TENM4: variants seen among roughly 807,000 people sequenced by gnomAD.
The protein encoded by TENM4 is teneurin-4.
Under a neutral mutation model 243.3 loss-of-function variants are expected in TENM4, and 82 were observed. The observed-to-expected ratio is 0.34, with a 90% confidence interval of 0.28 to 0.40. TENM4 has a LOEUF of 0.40. TENM4 is among the 10% of genes least tolerant of loss of function. TENM4 has a pLI of 1.00. For missense variants in TENM4, 3,138 were observed against 3,673.3 expected (o/e 0.85, Z 3.77); for synonymous variants, 1,412 against 1,456.3 (o/e 0.97, Z 0.69).
rs1457887139 is a variant in TENM4, at chr11:78,756,998, G to C, written c.2563C>G (p.Pro855Ala). 1.2e-6 allele frequency: 2 copies of C among 1,613,886 alleles called. No individual in the cohort carries two copies. The highest frequency in any genetic ancestry group is 1.7e-5 in the Admixed American group (1 of 60,032). Residue 855 changes from proline (P) to alanine (A), a missense_variant, in exon 19 of 34, where the codon CCT (proline) becomes GCT (alanine). By Grantham distance (27) the Pro-to-Ala change is conservative. Transcript: ENST00000278550. The stretch of plus-strand genomic sequence containing the variant: ...CACAGGGGCTGGAGGCAGCAGTCAG[G>C]GTCCATGCAGTCCACCAGGCCATCT... ...DGDGLVDCMD[P>A]DCCLQPLCHI...
chr11:79,313,992 C>T (rs1856763545), intron 1 of TENM4, among the ~76,000 whole-genome samples: 1 of 152,148 alleles, frequency 6.6e-6, no homozygotes, highest in South Asian at 2.1e-4. Context: ...TTCTTCTAAA[C>T]CCGTCATTCA....
intron 1 of TENM4, among the ~76,000 whole-genome samples, chr11:79,333,144 A>G (rs1366185094): frequency 6.6e-6 from 1 of 152,130 alleles, no homozygotes; most frequent in East Asian, 1.9e-4. Context: ...GTTCGGGGAG[A>G]CTGAGTACCA....
intron 1 of TENM4, among the ~76,000 whole-genome samples, chr11:79,393,536 CTT>C (rs921329714): frequency 1.3e-5 from 2 of 152,224 alleles, no homozygotes; most frequent in Admixed American, 6.5e-5. Flanking sequence ...CTTCTGAAGT[CTT>C]AAACTGATGG....
intron 2 of TENM4, among the ~76,000 whole-genome samples, chr11:79,248,952 G>C (rs1197568784): frequency 6.6e-6 from 1 of 152,192 alleles, no homozygotes; most frequent in African/African-American, 2.4e-5. Flanking sequence ...AAGAGGAAGA[G>C]AGGAAGAAGA....
intron 2 of TENM4, among the ~76,000 whole-genome samples, chr11:79,251,820 A>AT (rs1200191206): frequency 6.6e-6 from 1 of 152,118 alleles, no homozygotes. Flanking sequence ...ATGAAAAAAA[A>AT]ACATTATCAC....
chr11:79,121,427 G>T (rs891597928), intron 4 of TENM4, among the ~76,000 whole-genome samples: 1 of 152,178 alleles, frequency 6.6e-6, no homozygotes, highest in African/African-American at 2.4e-5. Flanking sequence ...TTCCTTGGGA[G>T]AAACCCCTGA....
At chr11:78,780,382 C>T (rs1343404469) in intron 16 of TENM4, among the ~76,000 whole-genome samples, 1 of 152,280 alleles carries the variant, frequency 6.6e-6, no homozygotes, top group African/African-American at 2.4e-5. Flanking sequence ...AATCACCTGG[C>T]TCTTGTGGTT....
At chr11:79,025,414 T>G (rs1859052488) in intron 6 of TENM4, among the ~76,000 whole-genome samples, 1 of 152,196 alleles carries the variant, frequency 6.6e-6, no homozygotes, top group Non-Finnish European at 1.5e-5. Context: ...GACATCCCCC[T>G]AGCTCCGTGA....
At chr11:79,128,853 T>A (rs1861935497) in intron 4 of TENM4, among the ~76,000 whole-genome samples, 1 of 152,054 alleles carries the variant, frequency 6.6e-6, no homozygotes, top group South Asian at 2.1e-4. Context: ...GGAAGAAGCA[T>A]GATTGGAAAA....
intron 4 of TENM4, among the ~76,000 whole-genome samples, chr11:79,141,098 G>A (rs907272539): frequency 2.0e-5 from 3 of 152,082 alleles, no homozygotes; most frequent in Non-Finnish European, 4.4e-5. Flanking sequence ...TCAGCAGCAG[G>A]AGACCTAGAG....
At chr11:79,347,941 G>A (rs527448521) in intron 1 of TENM4, among the ~76,000 whole-genome samples, 94 of 151,608 alleles carry the variant, frequency 6.2e-4, no homozygotes, top group East Asian at 9.8e-4. Flanking sequence ...CACCGCGCCC[G>A]GCTAATTTTT....
chr11:79,195,907 G>C (rs1462371790), intron 3 of TENM4, among the ~76,000 whole-genome samples: 1 of 152,150 alleles, frequency 6.6e-6, no homozygotes, highest in Admixed American at 6.5e-5. Flanking sequence ...AACTTGAATT[G>C]TATCTTCCAG....
At chr11:79,189,681 T>C (rs1028668789) in intron 3 of TENM4, among the ~76,000 whole-genome samples, 1 of 152,166 alleles carries the variant, frequency 6.6e-6, no homozygotes, top group Non-Finnish European at 1.5e-5. Flanking sequence ...CTGTGTAAGG[T>C]GTTGTAGGGC....
At chr11:79,284,373 A>G (rs1856211579) in intron 2 of TENM4, among the ~76,000 whole-genome samples, 1 of 152,236 alleles carries the variant, frequency 6.6e-6, no homozygotes, top group South Asian at 2.1e-4. Context: ...AGATCAATGG[A>G]ATCAAATTTA....
chr11:79,116,507 T>C (rs1341144249), intron 4 of TENM4, among the ~76,000 whole-genome samples: 1 of 16,140 alleles, frequency 6.2e-5, no homozygotes, highest in African/African-American at 4.3e-4. Context: ...GTGACGGTGC[T>C]GTGAAATAGT....
At chr11:79,171,683 G>T (rs1863044336) in intron 3 of TENM4, among the ~76,000 whole-genome samples, 1 of 152,128 alleles carries the variant, frequency 6.6e-6, no homozygotes, top group Admixed American at 6.5e-5. Context: ...TTGAATAAAT[G>T]GATAAGAATT....
At chr11:79,271,543 T>C (rs892257875) in intron 2 of TENM4, among the ~76,000 whole-genome samples, 1 of 152,316 alleles carries the variant, frequency 6.6e-6, no homozygotes, top group Admixed American at 6.5e-5. Context: ...TTGCTGAGCT[T>C]ACCTCCTTAC....
intron 6 of TENM4, among the ~76,000 whole-genome samples, chr11:78,915,217 C>T (rs1172032191): frequency 3.3e-5 from 5 of 152,200 alleles, no homozygotes; most frequent in Non-Finnish European, 5.9e-5. Flanking sequence ...CACACCTTTG[C>T]CTGGTTAACT....
chr11:79,112,826 C>T (rs1409636476), intron 4 of TENM4, among the ~76,000 whole-genome samples: 2 of 152,170 alleles, frequency 1.3e-5, no homozygotes, highest in Non-Finnish European at 2.9e-5. Context: ...GCCCCACCTC[C>T]TCCAGGAAGT....
Sources: gnomAD v4.1 joint callset for allele counts (sites outside exome capture counted in the v4.1 genomes callset) on GRCh38, gnomAD v4.1.1 for gene constraint, MANE v1.5 for transcripts, NCBI Gene and HGNC (gene_info 2026-07-23, HGNC 2026-07-21) for gene names.